The following PLEKHA4 variants were observed in gnomAD, a reference collection of about 807,000 sequenced individuals.
PLEKHA4 encodes pleckstrin homology domain-containing family A member 4.
In PLEKHA4, 73 loss-of-function variants were observed where a neutral mutation model predicts 94.7. That is an observed-to-expected ratio of 0.77 (90% confidence interval 0.64 to 0.94). The LOEUF is 0.94. Ranked by LOEUF, PLEKHA4 falls within the 40% of genes least tolerant of loss-of-function variation. The pLI is 0.00. For synonymous variants in PLEKHA4, 449 were observed against 437.1 expected, an observed-to-expected ratio of 1.03 and a Z score of -0.34; for missense variants, 1,049 against 1,054.1, an observed-to-expected ratio of 1.00 and a Z score of 0.07.
At chr19:48,866,973 C>T (rs2036856186) in intron 2 of PLEKHA4, among the ~76,000 whole-genome samples, 1 of 152,242 alleles carries the variant, frequency 6.6e-6, no homozygotes, top group South Asian at 2.1e-4. Flanking sequence ...GACAATATGC[C>T]CTTCCTTGGA....
chr19:48,857,478 T>C lies in PLEKHA4; in HGVS notation c.991A>G (p.Thr331Ala), dbSNP rs1313181894. 6.4e-7 allele frequency: 1 copy of C among 1,560,678 alleles called. No homozygotes were observed. The highest frequency in any genetic ancestry group is 1.2e-5 in the South Asian group (1 of 84,780). The change falls in exon 9 of 20, where the codon ACT becomes GCT. Residue 331 changes from threonine to alanine, a missense_variant. Physicochemically the swap from Thr to Ala is moderately conservative, Grantham distance 58. Transcript: ENST00000263265. ...PRTQAHSGSPTYLQLPPRPPG... is the reference protein window; with the variant it reads ...PRTQAHSGSPAYLQLPPRPPG... ...GGCCGCGGGGGGAGCTGGAGATAAG[T>C]GGGGGAGCCAGAGTGTGCCTGGGAG...
intron 13 of PLEKHA4, among the ~76,000 whole-genome samples, chr19:48,849,818 G>A (rs1229099489): frequency 6.6e-6 from 1 of 152,192 alleles, no homozygotes; most frequent in Non-Finnish European, 1.5e-5. Context: ...ATGGAAAAAA[G>A]GCTGAGGGTT....
rs1310746924 is a variant in PLEKHA4 at position 48,859,006 on chromosome 19, T to A, written c.826A>T (p.Ile276Phe). ...PARPHTPLSR[I>F]DVRPPLDWGP... ...CAATCCAGAGGAGGTCGGACATCAA[T>A]GCGACTCAACGGGGTGTGAGGTCGG... The change falls in exon 8 of 20, where the codon ATT becomes TTT. Residue 276 changes from isoleucine (I) to phenylalanine (F), a missense_variant. Transcript: ENST00000263265. 3 of 1,469,028 alleles carry A rather than the reference T, an allele frequency of 2.0e-6. No homozygotes were observed. The highest frequency in any genetic ancestry group is 2.7e-6 in the Non-Finnish European group (3 of 1,107,540). The allele number at this position is 1,469,028 out of a possible 1,614,324, so 91.0% of individuals were successfully genotyped here. A position where few individuals can be genotyped will look rare whatever the true frequency, so the allele number is the denominator to read the frequency against.
chr19:48,846,376 G>A (rs932163472), intron 14 of PLEKHA4, among the ~76,000 whole-genome samples: 5 of 151,520 alleles, frequency 3.3e-5, no homozygotes, highest in Non-Finnish European at 7.4e-5. Context: ...GTGTGAACCC[G>A]GGAGGTAGAG....
Position 48,853,257 on chromosome 19 carries a change from G to A in PLEKHA4, c.1326+425C>T, listed in dbSNP as rs190960310. ...TTCTCAGAGTTACTTAAGGCCGGGC[G>A]CAGTGGCTCATGCCTGTAATCCCAG... On this transcript the variant is annotated intron_variant, in intron 12 of 19. Transcript: ENST00000263265. 5.3e-5 allele frequency among the ~76,000 whole-genome samples: 8 copies of A among 152,132 alleles called. No homozygotes were observed. The East Asian group carries it at 7.8e-4, about 15-fold the overall frequency.
chr19:48,850,673 C>T lies in PLEKHA4; in HGVS notation c.1425+1555G>A, dbSNP rs376756539. Among the ~76,000 whole-genome samples the T allele has an allele frequency of 1.5e-4, 22 of 149,644 alleles. 1 individual carries two copies. The South Asian group carries it at 1.9e-3, about 13-fold the overall frequency. On this transcript the variant is annotated intron_variant, in intron 13 of 19. Coordinates refer to ENST00000263265, the MANE Select transcript of PLEKHA4 (RefSeq NM_020904.3). The stretch of plus-strand genomic sequence containing the variant: ...TCTCTCATAAAACTACAAAATTAGC[C>T]AGACATGGTGGTGCATGCCTGTAAT...
At chr19:48,859,401 G>T (rs1599920109) in intron 7 of PLEKHA4, 68 bp downstream of exon 7, 3 of 1,544,332 alleles carry the variant, frequency 1.9e-6, no homozygotes, top group East Asian at 4.5e-5. Flanking sequence ...GCTAAGGCCC[G>T]CCCCCAACCA....
At position 48,860,465 on chromosome 19, in the gene PLEKHA4, G is replaced by A. The variant is rs985758692; in HGVS notation, c.367-6C>T. On this transcript the variant is annotated splice_region_variant and splice_polypyrimidine_tract_variant and intron_variant, in intron 5 of 19. Coordinates refer to ENST00000263265, the MANE Select transcript of PLEKHA4 (RefSeq NM_020904.3). ...CTCATGCCCGGGTGCTCTGCCTGCG[G>A]GAAGAGAAGGCTTGGAATCCGGACT... 1.6e-5 allele frequency: 25 copies of A among 1,611,070 alleles called. No individual in the cohort carries two copies. Among genetic ancestry groups the A allele is most frequent in the African/African-American group, 2.7e-5 (2 of 74,864 alleles).
intron 17 of PLEKHA4, 150 bp downstream of exon 17, chr19:48,840,999 C>T (rs2035741380): frequency 6.0e-6 from 5 of 831,894 alleles, no homozygotes; most frequent in Non-Finnish European, 9.2e-6. Flanking sequence ...AGGAAGCTGA[C>T]TCTAGCACAA....
At chr19:48,851,761 C>T (rs1032111608) in intron 13 of PLEKHA4, among the ~76,000 whole-genome samples, 1 of 151,868 alleles carries the variant, frequency 6.6e-6, no homozygotes, top group Admixed American at 6.6e-5. Context: ...TCAAGACCAG[C>T]CTGACCAACA....
chr19:48,863,976 T>C (rs949108850), intron 3 of PLEKHA4, among the ~76,000 whole-genome samples: 1 of 152,202 alleles, frequency 6.6e-6, no homozygotes, highest in Non-Finnish European at 1.5e-5. Flanking sequence ...AGTTCCTGAT[T>C]TGGCAAATCT....
At chr19:48,847,753 G>C in intron 14 of PLEKHA4, 147 bp downstream of exon 14, 1 of 950,822 alleles carries the variant, frequency 1.1e-6, no homozygotes, top group Non-Finnish European at 1.4e-6. Flanking sequence ...CGAAAAAAAA[G>C]AAAACAAAGG....
rs769345237 is a variant in PLEKHA4 at position 48,841,228 on chromosome 19, G to C, written c.1826C>G (p.Pro609Arg). 3 of 1,613,544 alleles carry C rather than the reference G, an allele frequency of 1.9e-6. No individual in the cohort carries two copies. Among genetic ancestry groups the C allele is most frequent in the Non-Finnish European group, 2.5e-6 (3 of 1,179,848 alleles). The change falls in exon 17 of 20, where the codon CCT (proline) becomes CGT (arginine). Residue 609 changes from proline to arginine, a missense_variant. By Grantham distance (103) the Pro-to-Arg change is moderately radical. Transcript: ENST00000263265. ...GAGAAGCCGGGGGGAGGTCGGGCGA[G>C]GGAAGGGCCGTCCACATTCCTGGTT... ...RRNQECGRPF[P>R]RPTSPRLLTL...
In PLEKHA4 at chr19:48,837,930, A is replaced by C; in HGVS notation, c.2077+87T>G. 8.8e-7 allele frequency: 1 copy of C among 1,136,336 alleles called. No homozygotes were observed. Among genetic ancestry groups the C allele is most frequent in the Non-Finnish European group, 1.3e-6 (1 of 773,730 alleles). The allele number at this position is 1,136,336 out of a possible 1,614,324, so 70.4% of individuals were successfully genotyped here. On this transcript the variant is annotated intron_variant, in intron 19 of 19. Coordinates refer to ENST00000263265, the MANE Select transcript of PLEKHA4 (RefSeq NM_020904.3). The surrounding 1 kb of genome is among the most constrained non-coding windows in gnomAD (Gnocchi z 4.3). ...AGATAAAAAATTCTCACCGGCCCCC[A>C]GACCCCTCCTCTCCAGGACCTGGGA...
At position 48,853,066 on chromosome 19, in the gene PLEKHA4, A is replaced by T. The variant is rs573794656; in HGVS notation, c.1326+616T>A. On this transcript the variant is annotated intron_variant, in intron 12 of 19. Coordinates refer to ENST00000263265, the MANE Select transcript of PLEKHA4 (RefSeq NM_020904.3). The stretch of plus-strand genomic sequence containing the variant: ...GTGCTAGGCATTGTTCTCAACTCTC[A>T]TTTAATTCCTATGAGGTAGTTACTA... Among the ~76,000 whole-genome samples, 3 of 152,312 alleles carry T rather than the reference A, an allele frequency of 2.0e-5. No homozygotes were observed. In the South Asian group the frequency reaches 6.2e-4, roughly 32 times the overall value.
chr19:48,859,125 A>AGG lies in PLEKHA4; in HGVS notation c.705_706dup (p.Leu236ProfsTer9). Reference sequence around the variant, plus strand: ...GCTCAGAGGCGAGGGAGGGCGAGAGAGGGGGGTGAACAGGCTGTGGGAAGG... The same window carrying AGG: ...GCTCAGAGGCGAGGGAGGGCGAGAGAGGGGGGGGTGAACAGGCTGTGGGAAGG... On this transcript the variant is annotated frameshift_variant, in exon 8 of 20. Transcript: ENST00000263265. LOFTEE classifies it high-confidence loss of function. 1 of 1,478,796 alleles carries AGG rather than the reference A, an allele frequency of 6.8e-7. No homozygotes were observed. Among genetic ancestry groups the AGG allele is most frequent in the Non-Finnish European group, 8.9e-7 (1 of 1,120,900 alleles). 91.6% of individuals were successfully genotyped at this position (1,478,796 alleles called of 1,614,324 possible). A position where few individuals can be genotyped will look rare whatever the true frequency, so the allele number is the denominator to read the frequency against.
chr19:48,848,031 A>G lies in PLEKHA4; in HGVS notation c.1435T>C (p.Ser479Pro), dbSNP rs1334567780. 1 of 1,613,690 alleles carries G rather than the reference A, an allele frequency of 6.2e-7. No individual in the cohort carries two copies. Among genetic ancestry groups the G allele is most frequent in the South Asian group, 1.1e-5 (1 of 91,070 alleles). Residue 479 changes from serine (S) to proline (P), a missense_variant, in exon 14 of 20, where the codon TCT becomes CCT. Transcript: ENST00000263265. ...LHLGSPQDRVSAQQQLWMVED... is the reference protein window; with the variant it reads ...LHLGSPQDRVPAQQQLWMVED... ...ACCATCCACAGCTGCTGCTGAGCAG[A>G]CACTCTGTCCTGCAGGGAGGAAAGG...
At chr19:48,862,203 TC>T (rs1386047963) in intron 3 of PLEKHA4, among the ~76,000 whole-genome samples, 104 of 126,230 alleles carry the variant, frequency 8.2e-4, no homozygotes, top group African/African-American at 3.7e-3. Context: ...CTTTTCTCTC[TC>T]TTTTTTTTTT....
chr19:48,861,326 T>C (rs1195243789), intron 5 of PLEKHA4, 75 bp downstream of exon 5: 2 of 1,280,080 alleles, frequency 1.6e-6, no homozygotes, highest in African/African-American at 1.5e-5. Flanking sequence ...GACTTGGAGT[T>C]TCCTCGACAG....
Sources: gnomAD v4.1 joint callset for allele counts (sites outside exome capture counted in the v4.1 genomes callset) on GRCh38, gnomAD v4.1.1 for gene constraint, Gnocchi (gnomAD v3.1) non-coding constraint, MANE v1.5 for transcripts, NCBI Gene and HGNC (gene_info 2026-07-23, HGNC 2026-07-21) for gene names.